Variants in MGMT observed in about 807,000 individuals in gnomAD.
The protein encoded by MGMT is O-6-methylguanine-DNA methyltransferase, also known as methylated-DNA--protein-cysteine methyltransferase.
In MGMT, 14 loss-of-function variants were observed where a neutral mutation model predicts 15.9. The ratio of observed to expected loss-of-function variants is 0.88; its 90% CI spans 0.58 to 1.37. The LOEUF (loss-of-function observed/expected upper bound fraction) is 1.37, where lower values mean the gene tolerates loss of function less well. Ranked by LOEUF, MGMT falls within the 40% of genes most tolerant of loss-of-function variation. The pLI is 0.00. For missense variants in MGMT, 282 were observed against 268.1 expected, an observed-to-expected ratio of 1.05 and a Z score of -0.36; for synonymous variants, 130 against 118.2, an observed-to-expected ratio of 1.10 and a Z score of -0.65.
intron 3 of MGMT, among the ~76,000 whole-genome samples, chr10:129,735,622 T>C (rs1848551234): frequency 7.2e-6 from 1 of 139,508 alleles, no homozygotes. Flanking sequence ...GTGTTTGCTC[T>C]TGCTTTTCTA....
At chr10:129,728,320 T>G (rs1204818722) in intron 3 of MGMT, among the ~76,000 whole-genome samples, 1 of 151,824 alleles carries the variant, frequency 6.6e-6, no homozygotes, top group Non-Finnish European at 1.5e-5. Flanking sequence ...GATGAACCCA[T>G]ACAAGTGGGT....
chr10:129,478,575 C>T (rs919745382), intron 1 of MGMT, among the ~76,000 whole-genome samples: 2 of 152,134 alleles, frequency 1.3e-5, no homozygotes, highest in African/African-American at 4.8e-5. Flanking sequence ...CAAAATATAT[C>T]AAGTTCACAG....
intron 2 of MGMT, among the ~76,000 whole-genome samples, chr10:129,599,199 G>C (rs1014044458): frequency 6.6e-6 from 1 of 152,286 alleles, no homozygotes; most frequent in South Asian, 2.1e-4. Context: ...AACATGGTTT[G>C]AACAGTCAGC....
rs1184471896 is a variant in MGMT, at chr10:129,524,234, C to CTCTGGCGGG, written c.-12-12000_-12-11999insGGTCTGGCG. The stretch of plus-strand genomic sequence containing the variant: ...TCCCGCCCTCAAGGACGATTGGCAT[C>CTCTGGCGGG]TCTGGCGTGCTCAGGCCCCTGCAGC... On this transcript the variant is annotated intron_variant, in intron 1 of 4. Coordinates refer to ENST00000651593, the MANE Select transcript of MGMT (RefSeq NM_002412.5). Among the ~76,000 whole-genome samples, 6 of 152,368 alleles carry CTCTGGCGGG rather than the reference C, an allele frequency of 3.9e-5. No homozygotes were observed. In the East Asian group the frequency reaches 1.2e-3, roughly 29 times the overall value.
intron 1 of MGMT, among the ~76,000 whole-genome samples, chr10:129,492,674 A>G (rs920414807): frequency 2.0e-5 from 3 of 152,174 alleles, no homozygotes; most frequent in Non-Finnish European, 4.4e-5. Flanking sequence ...ATCTGCACCC[A>G]GGATCAGCAA....
chr10:129,745,530 A>T (rs957895800), intron 3 of MGMT, among the ~76,000 whole-genome samples: 1 of 152,228 alleles, frequency 6.6e-6, no homozygotes, highest in African/African-American at 2.4e-5. Flanking sequence ...TTTTTCACTC[A>T]GGTTAATGCC....
At chr10:129,664,231 A>G (rs1201449173) in intron 2 of MGMT, among the ~76,000 whole-genome samples, 1 of 152,246 alleles carries the variant, frequency 6.6e-6, no homozygotes, top group Admixed American at 6.5e-5. Flanking sequence ...GTACCAATGC[A>G]AGTAACTTAA....
At chr10:129,715,613 C>A (rs749071097) in intron 3 of MGMT, 2 of 152,118 alleles carry the variant, frequency 1.3e-5, no homozygotes, top group South Asian at 2.1e-4. Flanking sequence ...AGGTAATGTT[C>A]GTGCATTTGA....
chr10:129,468,295 C>T (rs182873757), intron 1 of MGMT, among the ~76,000 whole-genome samples: 48 of 152,256 alleles, frequency 3.2e-4, no homozygotes, highest in African/African-American at 1.0e-3. Flanking sequence ...AAGCTTAGCG[C>T]ACCTGGTGGG....
At chr10:129,517,277 AG>A (rs1845749243) in intron 1 of MGMT, among the ~76,000 whole-genome samples, 1 of 152,150 alleles carries the variant, frequency 6.6e-6, no homozygotes, top group African/African-American at 2.4e-5. Context: ...GGGCCCCCTT[AG>A]CTCATTTCTA....
At position 129,759,488 on chromosome 10, in the gene MGMT, C is replaced by G; in HGVS notation, c.414+147C>G. ...ATATCTGTGATGGGGACCATTATGC[C>G]AGATGCCTCCAGAAGAGGCAAGGAG... On this transcript the variant is annotated intron_variant, in intron 4 of 4. Transcript: ENST00000651593. The G allele has an allele frequency of 4.0e-6, 5 of 1,235,586 alleles. No individual in the cohort carries two copies. In the South Asian group the frequency reaches 7.1e-5, roughly 18 times the overall value. 76.5% of individuals were successfully genotyped at this position (1,235,586 alleles called of 1,614,324 possible).
chr10:129,649,617 A>G (rs781282751), intron 2 of MGMT, among the ~76,000 whole-genome samples: 4 of 152,222 alleles, frequency 2.6e-5, no homozygotes, highest in Admixed American at 6.5e-5. Context: ...GAATCTCCTC[A>G]GGTTGAGAGA....
intron 2 of MGMT, among the ~76,000 whole-genome samples, chr10:129,541,529 G>A (rs533924708): frequency 9.2e-5 from 14 of 152,220 alleles, no homozygotes; most frequent in Non-Finnish European, 1.8e-4. Context: ...GTTGATTGCC[G>A]TATTTGATTA....
intron 2 of MGMT, among the ~76,000 whole-genome samples, chr10:129,578,566 A>T (rs965158690): frequency 6.6e-6 from 1 of 152,138 alleles, no homozygotes; most frequent in Non-Finnish European, 1.5e-5. Flanking sequence ...TAGCATTAGG[A>T]GATATACCTA....
intron 3 of MGMT, among the ~76,000 whole-genome samples, chr10:129,735,416 T>A (rs1268120232): frequency 3.9e-5 from 6 of 152,374 alleles, no homozygotes; most frequent in African/African-American, 1.2e-4. Context: ...ATCCCCTTTA[T>A]CATTTTTTAT....
rs1848954722 is a variant in MGMT at position 129,767,646 on chromosome 10, CGGGTT to C, written c.*650_*654del. 1 of 152,308 alleles carries C rather than the reference CGGGTT, an allele frequency of 6.6e-6. No homozygotes were observed. The highest frequency in any genetic ancestry group is 2.4e-5 in the African/African-American group (1 of 41,468). The allele number at this position is 152,308 out of a possible 1,614,324, so 9.4% of individuals were successfully genotyped here. A position where few individuals can be genotyped will look rare whatever the true frequency, so the allele number is the denominator to read the frequency against. ...GGAAAGACAGAGAGCTCTCTGGACA[CGGGTT>C]CGATGGAGCTTGCACCTCTCTGAGA... On this transcript the variant is annotated 3_prime_UTR_variant, in exon 5 of 5. Transcript: ENST00000651593.
rs116752167 is a variant in MGMT at position 129,572,542 on chromosome 10, A to G, written c.125+36165A>G. On this transcript the variant is annotated intron_variant, in intron 2 of 4. Coordinates refer to ENST00000651593, the MANE Select transcript of MGMT (RefSeq NM_002412.5). ...GGCATGATTCCGCTCTCGGAGCTTGATATCTTTCCAGATTTTCAGAATTTA... is the reference window on the plus strand; with the variant it reads ...GGCATGATTCCGCTCTCGGAGCTTGGTATCTTTCCAGATTTTCAGAATTTA... Among the ~76,000 whole-genome samples the G allele has an allele frequency of 2.3e-3, 348 of 152,314 alleles. 1 individual carries two copies. The highest frequency in any genetic ancestry group is 8.0e-3 in the African/African-American group (334 of 41,568).
intron 1 of MGMT, among the ~76,000 whole-genome samples, chr10:129,525,881 C>T (rs1224591071): frequency 6.6e-6 from 1 of 152,230 alleles, no homozygotes; most frequent in African/African-American, 2.4e-5. Context: ...CCAGGGCTCC[C>T]GTGTTAGGCC....
intron 2 of MGMT, among the ~76,000 whole-genome samples, chr10:129,660,096 A>T (rs571874053): frequency 9.2e-5 from 14 of 152,124 alleles, no homozygotes; most frequent in Non-Finnish European, 1.8e-4. Flanking sequence ...TTCAGAGCTA[A>T]GTTTATAACT....
Sources: gnomAD v4.1 joint callset for allele counts (sites outside exome capture counted in the v4.1 genomes callset) on GRCh38, gnomAD v4.1.1 for gene constraint, MANE v1.5 for transcripts, NCBI Gene and HGNC (gene_info 2026-07-23, HGNC 2026-07-21) for gene names.